The following HYAL4 variants were observed in gnomAD, a reference collection of about 807,000 sequenced individuals.
The protein encoded by HYAL4 is hyaluronidase 4, also known as hyaluronidase-4.
HYAL4 carries 37 observed loss-of-function variants against 35.2 expected under a neutral mutation model. The ratio of observed to expected loss-of-function variants is 1.05; its 90% confidence interval spans 0.81 to 1.38. The LOEUF is 1.38. Among genes scored for constraint, HYAL4 ranks in the 40% most tolerant of loss-of-function variants. HYAL4 has a pLI of 0.00. For missense variants in HYAL4, 572 were observed against 572.4 expected, an observed-to-expected ratio of 1.00 and a Z score of 0.01; for synonymous variants, 198 against 203.2, an observed-to-expected ratio of 0.97 and a Z score of 0.22.
the HYAL4 span, among the ~76,000 whole-genome samples, chr7:123,806,800 C>T: frequency 1.3e-5 from 2 of 152,086 alleles, no homozygotes; most frequent in Admixed American, 6.6e-5. Context: ...CTCTTCCTTT[C>T]ACCTCAGTGG....
the HYAL4 span, among the ~76,000 whole-genome samples, chr7:123,810,799 A>G: frequency 6.6e-6 from 1 of 152,184 alleles, no homozygotes; most frequent in Non-Finnish European, 1.5e-5. Context: ...ACTGCTCTCC[A>G]AATCCACTGT....
chr7:123,826,692 C>T (rs761849983), upstream of HYAL4, among the ~76,000 whole-genome samples: 1 of 151,866 alleles, frequency 6.6e-6, no homozygotes, highest in Non-Finnish European at 1.5e-5. Context: ...TTATTGATTC[C>T]TATTTTACTT....
intron 2 of HYAL4, among the ~76,000 whole-genome samples, chr7:123,850,126 C>G (rs1478240511): frequency 2.0e-5 from 3 of 152,178 alleles, no homozygotes; most frequent in African/African-American, 7.2e-5. Context: ...AAATGCAATA[C>G]AATTGTAGCA....
chr7:123,810,211 C>A, the HYAL4 span, among the ~76,000 whole-genome samples: 1 of 152,092 alleles, frequency 6.6e-6, no homozygotes, highest in African/African-American at 2.4e-5. Context: ...GCAAGAGAAG[C>A]AGCAAATGTT....
chr7:123,864,830 AG>A (rs1806649866), intron 2 of HYAL4, among the ~76,000 whole-genome samples: 1 of 151,534 alleles, frequency 6.6e-6, no homozygotes, highest in Non-Finnish European at 1.5e-5. Flanking sequence ...TTTAACTAGG[AG>A]GGCACACCAG....
At chr7:123,870,780 A>T (rs558633586) in intron 3 of HYAL4, among the ~76,000 whole-genome samples, 3 of 151,946 alleles carry the variant, frequency 2.0e-5, no homozygotes, top group Admixed American at 6.6e-5. Flanking sequence ...AAAAAGAAAG[A>T]AAGTTACGTA....
chr7:123,861,566 A>T (rs1806576571), intron 2 of HYAL4, among the ~76,000 whole-genome samples: 1 of 152,198 alleles, frequency 6.6e-6, no homozygotes, highest in Non-Finnish European at 1.5e-5. Flanking sequence ...TAATACAGAG[A>T]TAATTTAAAC....
intron 4 of HYAL4, among the ~76,000 whole-genome samples, chr7:123,875,141 C>T (rs1806977722): frequency 6.6e-6 from 1 of 152,116 alleles, no homozygotes. Flanking sequence ...TCCTCATTTA[C>T]AGATGGTGAA....
the HYAL4 span, among the ~76,000 whole-genome samples, chr7:123,818,114 T>G: frequency 6.6e-6 from 1 of 152,170 alleles, no homozygotes; most frequent in Admixed American, 6.5e-5. Flanking sequence ...TCACCTTGAG[T>G]GATCTGTCTG....
chr7:123,844,969 C>G (rs924439403), upstream of HYAL4: 1 of 152,210 alleles, frequency 6.6e-6, no homozygotes, highest in Non-Finnish European at 1.5e-5. Flanking sequence ...CCCCCAATCT[C>G]TTACACTTCC....
Position 123,868,666 on chromosome 7 carries a change from T to C in HYAL4, c.393T>C (p.Tyr131=). The C allele has an allele frequency of 3.7e-6, 6 of 1,613,798 alleles. No homozygotes were observed. Among genetic ancestry groups the C allele is most frequent in the Non-Finnish European group, 5.1e-6 (6 of 1,179,970 alleles). ...HLEKADQDIN[Y]YIPAEDFSGL... is the part of the protein sequence containing the mutation. ...AAAAAGCTGACCAAGATATTAATTA[T>C]TACATCCCTGCTGAAGATTTCAGTG... The change falls in exon 3 of 5, where the codon TAT becomes TAC. Residue 131 remains tyrosine (Y), a synonymous_variant. Coordinates refer to ENST00000223026, the MANE Select transcript of HYAL4 (RefSeq NM_012269.3).
rs548957804 is a variant in HYAL4, at chr7:123,847,014, T to C, written c.-121-1075T>C. ...GTGTCTCCTGGGTCCTCTAGGAGCA[T>C]TCCGCTTCCTTCAGATGGTCTGTGA... On this transcript the variant is annotated intron_variant, in intron 1 of 4. Coordinates refer to ENST00000223026, the MANE Select transcript of HYAL4 (RefSeq NM_012269.3). Among the ~76,000 whole-genome samples, 5 of 152,236 alleles carry C rather than the reference T, an allele frequency of 3.3e-5. No individual in the cohort carries two copies. The South Asian group carries it at 1.0e-3, about 32-fold the overall frequency.
the HYAL4 span, among the ~76,000 whole-genome samples, chr7:123,804,499 A>AT: frequency 4.6e-5 from 7 of 152,164 alleles, no homozygotes; most frequent in Non-Finnish European, 1.0e-4. Context: ...CTTTTTCTGT[A>AT]TTTTTTGCAA....
At chr7:123,836,992 C>G (rs1805975188) in intron 1 of HYAL4, among the ~76,000 whole-genome samples, 1 of 151,704 alleles carries the variant, frequency 6.6e-6, no homozygotes, top group Non-Finnish European at 1.5e-5. Flanking sequence ...TGCACTACAG[C>G]CTGGGCAACA....
upstream of HYAL4, among the ~76,000 whole-genome samples, chr7:123,826,504 G>A (rs1277006349): frequency 1.3e-5 from 2 of 152,100 alleles, no homozygotes; most frequent in Non-Finnish European, 2.9e-5. Flanking sequence ...ACTAGGCATT[G>A]ACATTGAAAA....
At chr7:123,829,925 T>C (rs1283043982) in intron 1 of HYAL4, among the ~76,000 whole-genome samples, 1 of 152,030 alleles carries the variant, frequency 6.6e-6, no homozygotes, top group Non-Finnish European at 1.5e-5. Context: ...GGTAAAATGA[T>C]TAGGGAGTGT....
In HYAL4 at chr7:123,847,357, C is replaced by T. The variant is rs375973189; in HGVS notation, c.-121-732C>T. 5.1e-4 allele frequency among the ~76,000 whole-genome samples: 78 copies of T among 152,216 alleles called. 1 individual carries two copies. The highest frequency in any genetic ancestry group is 1.8e-3 in the African/African-American group (76 of 41,518). On this transcript the variant is annotated intron_variant, in intron 1 of 4. Transcript: ENST00000223026. ...GACACAGTAAATAAATACACATGTTCAGCTCACCATCTTGAGCCATTAGTT... is the reference window on the plus strand; with the variant it reads ...GACACAGTAAATAAATACACATGTTTAGCTCACCATCTTGAGCCATTAGTT...
the HYAL4 span, among the ~76,000 whole-genome samples, chr7:123,768,278 A>G: frequency 6.6e-6 from 1 of 152,194 alleles, no homozygotes; most frequent in African/African-American, 2.4e-5. Context: ...TAAAAACCAA[A>G]CAATTCGATC....
intron 2 of HYAL4, among the ~76,000 whole-genome samples, chr7:123,852,430 G>GGGGTCTAGT (rs1250700347): frequency 1.3e-4 from 20 of 152,276 alleles, no homozygotes; most frequent in African/African-American, 4.8e-4. Flanking sequence ...GTGTAAGGAA[G>GGGGTCTAGT]GGGTCTAGTT....
Sources: gnomAD v4.1 joint callset for allele counts (sites outside exome capture counted in the v4.1 genomes callset) on GRCh38, gnomAD v4.1.1 for gene constraint, MANE v1.5 for transcripts, NCBI Gene and HGNC (gene_info 2026-07-23, HGNC 2026-07-21) for gene names.